The following TRPM8 variants were observed in gnomAD, a reference collection of about 807,000 sequenced individuals.
The protein encoded by TRPM8 is TRPM8 cationic channel.
Under a neutral mutation model 133.7 loss-of-function variants are expected in TRPM8, and 110 were observed. That is an observed-to-expected ratio of 0.82 (90% confidence interval 0.70 to 0.96). The LOEUF (loss-of-function observed/expected upper bound fraction) is 0.96, where lower values mean the gene tolerates loss of function less well. TRPM8 is among the 40% of genes least tolerant of loss of function. The probability of loss-of-function intolerance (pLI) is 0.00; values close to 1 mark genes in which losing one functional copy is unlikely to be tolerated. For synonymous variants in TRPM8, 535 were observed against 532.3 expected, an observed-to-expected ratio of 1.01 and a Z score of -0.07; for missense variants, 1,291 against 1,379.5, an observed-to-expected ratio of 0.94 and a Z score of 1.02.
At chr2:233,984,205 T>C (rs1202667959) in intron 20 of TRPM8, among the ~76,000 whole-genome samples, 1 of 152,174 alleles carries the variant, frequency 6.6e-6, no homozygotes, top group Non-Finnish European at 1.5e-5. Context: ...TGTCTCTGTT[T>C]CATGGGCACA....
Position 233,950,140 on chromosome 2 carries a change from C to A in TRPM8, c.1134C>A (p.Ile378=), listed in dbSNP as rs1464350164. The change falls in exon 9 of 26, where the codon ATC becomes ATA. Residue 378 remains isoleucine, a synonymous_variant. Coordinates refer to ENST00000324695, the MANE Select transcript of TRPM8 (RefSeq NM_024080.5). ...CTGAGGAGGAGACTGAGAGTTGGATCAAATGGGTAAGTTGTCGGGACCATG... is the reference window on the plus strand; with the variant it reads ...CTGAGGAGGAGACTGAGAGTTGGATAAAATGGGTAAGTTGTCGGGACCATG... ...RLPEEETESW[I]KWLKEILECS... 6.2e-7 allele frequency: 1 copy of A among 1,612,230 alleles called. No homozygotes were observed. Among genetic ancestry groups the A allele is most frequent in the South Asian group, 1.1e-5 (1 of 90,872 alleles).
intron 6 of TRPM8, 130 bp downstream of exon 6, chr2:233,942,878 T>A: frequency 1.9e-6 from 2 of 1,062,350 alleles, no homozygotes; most frequent in Non-Finnish European, 2.9e-6. Flanking sequence ...TTTCAAGGAG[T>A]GCCTTTGGGA....
chr2:233,994,264 A>G (rs1221490064), intron 21 of TRPM8, among the ~76,000 whole-genome samples: 2 of 152,214 alleles, frequency 1.3e-5, no homozygotes, highest in Non-Finnish European at 2.9e-5. Context: ...GCTGTGGACT[A>G]GAAAGGGTGG....
chr2:233,975,732 A>G (rs2125251722), intron 17 of TRPM8, among the ~76,000 whole-genome samples: 1 of 152,278 alleles, frequency 6.6e-6, no homozygotes, highest in East Asian at 1.9e-4. Flanking sequence ...AAGTACAAAA[A>G]TTAGCCGGGC....
intron 10 of TRPM8, 188 bp from the exon 11 acceptor site, chr2:233,954,944 T>G (rs1691255485): frequency 1.9e-6 from 1 of 531,426 alleles, no homozygotes; most frequent in South Asian, 2.3e-5. Context: ...CATTATAAAC[T>G]TTGGGACATA....
intron 1 of TRPM8, among the ~76,000 whole-genome samples, chr2:233,918,706 C>A (rs1035683799): frequency 6.6e-6 from 1 of 152,084 alleles, no homozygotes. Flanking sequence ...CAGGATAATG[C>A]CTACAACAAA....
At chr2:233,992,167 G>C (rs998227155) in intron 21 of TRPM8, among the ~76,000 whole-genome samples, 1 of 151,850 alleles carries the variant, frequency 6.6e-6, no homozygotes, top group Non-Finnish European at 1.5e-5. Flanking sequence ...GGTTATTAAA[G>C]TTTTCCTTAT....
intron 2 of TRPM8, among the ~76,000 whole-genome samples, chr2:233,929,004 TTTTTA>T (rs1171678677): frequency 4.4e-5 from 6 of 134,882 alleles, no homozygotes; most frequent in Non-Finnish European, 7.7e-5. Flanking sequence ...TTTCTTTTTT[TTTTTA>T]TTTTTTTGCT....
chr2:233,954,465 T>A (rs113446222), intron 10 of TRPM8, among the ~76,000 whole-genome samples: 254 of 152,312 alleles, frequency 1.7e-3, no homozygotes, highest in African/African-American at 5.9e-3. Context: ...TGAATGAACC[T>A]CAGGTTAAAA....
intron 25 of TRPM8, 145 bp downstream of exon 25, chr2:234,014,799 C>T (rs922562111): frequency 7.8e-6 from 3 of 387,050 alleles, no homozygotes; most frequent in Non-Finnish European, 8.8e-6. Flanking sequence ...AAAAAAAATA[C>T]AGAGATAGAG....
chr2:233,974,390 T>C (rs1368419470), intron 17 of TRPM8, among the ~76,000 whole-genome samples: 3 of 152,106 alleles, frequency 2.0e-5, no homozygotes, highest in Non-Finnish European at 2.9e-5. Flanking sequence ...CGCACCACCA[T>C]GCCCAGCTAA....
At chr2:233,962,109 A>G (rs1043604830) in intron 12 of TRPM8, among the ~76,000 whole-genome samples, 1 of 152,210 alleles carries the variant, frequency 6.6e-6, no homozygotes, top group African/African-American at 2.4e-5. Flanking sequence ...TTCTTTTGTG[A>G]GTAAAAGGGG....
chr2:233,972,210 A>C (rs1406159868), intron 17 of TRPM8, among the ~76,000 whole-genome samples: 1 of 152,094 alleles, frequency 6.6e-6, no homozygotes, highest in Admixed American at 6.5e-5. Flanking sequence ...AAGGTTTTCC[A>C]AGGCCCCACC....
rs34817253 is a variant in TRPM8 at position 233,964,551 on chromosome 2, CAAAAAAAA to C, written c.1750-58_1750-51del. On this transcript the variant is annotated intron_variant, in intron 13 of 25. Transcript: ENST00000324695. ...TGGGTCACAGAGTGAGACTCCGTCT[CAAAAAAAA>C]AAAAAAAAAAAAAAAAAAGAAAAGG... is the stretch of plus-strand genomic sequence containing the variant. The C allele has an allele frequency of 5.0e-4, 288 of 571,536 alleles. 1 individual carries two copies. The highest frequency in any genetic ancestry group is 3.4e-3 in the African/African-American group (83 of 24,476). The allele number at this position is 571,536 out of a possible 1,614,324, so 35.4% of individuals were successfully genotyped here.
intron 16 of TRPM8, 43 bp downstream of exon 16, chr2:233,969,850 G>A (rs1330509264): frequency 1.6e-6 from 2 of 1,242,420 alleles, no homozygotes; most frequent in Admixed American, 3.4e-5. Flanking sequence ...GTGTGTGCCA[G>A]TGTGTGTACA....
At chr2:233,934,504 G>A (rs1049745484) in intron 3 of TRPM8, among the ~76,000 whole-genome samples, 9 of 152,144 alleles carry the variant, frequency 5.9e-5, no homozygotes, top group African/African-American at 1.9e-4. Flanking sequence ...TGTAGATGAG[G>A]TTGGAGAGAA....
At chr2:233,928,556 T>C (rs1242508596) in intron 2 of TRPM8, among the ~76,000 whole-genome samples, 1 of 152,240 alleles carries the variant, frequency 6.6e-6, no homozygotes, top group African/African-American at 2.4e-5. Flanking sequence ...GCTGTTTTCT[T>C]CCTGCCTGTT....
chr2:233,969,835 TGA>T (rs751063231), intron 16 of TRPM8, 28 bp downstream of exon 16: 18 of 1,372,012 alleles, frequency 1.3e-5, no homozygotes, highest in Non-Finnish European at 1.9e-5. Flanking sequence ...TAATCGTGTG[TGA>T]GTGTGTGTGC....
intron 1 of TRPM8, among the ~76,000 whole-genome samples, chr2:233,923,978 G>A (rs1351846838): frequency 6.6e-6 from 1 of 152,160 alleles, no homozygotes; most frequent in African/African-American, 2.4e-5. Flanking sequence ...GAGCAGGGAG[G>A]CTGCAGTCAG....
Sources: allele counts gnomAD v4.1 joint callset (sites outside exome capture counted in the v4.1 genomes callset), GRCh38; gene constraint gnomAD v4.1.1; transcripts MANE v1.5; gene names NCBI Gene and HGNC (gene_info 2026-07-23, HGNC 2026-07-21).